Variants in SNAP23 observed in about 807,000 individuals in gnomAD.
SNAP23 encodes the protein synaptosomal-associated protein 23.
SNAP23 carries 11 observed loss-of-function variants against 29.0 expected under a neutral mutation model. That is an observed-to-expected ratio of 0.38 (90% confidence interval 0.24 to 0.63). The LOEUF is 0.63. Among genes scored for constraint, SNAP23 ranks in the 20% least tolerant of loss-of-function variants. The probability of loss-of-function intolerance (pLI) is 0.58; values close to 1 mark genes in which losing one functional copy is unlikely to be tolerated. For missense variants in SNAP23, 220 were observed against 253.9 expected (o/e 0.87, Z 0.91); for synonymous variants, 60 against 82.9 (o/e 0.72, Z 1.50).
chr15:42,517,824 C>T (rs956269125), intron 5 of SNAP23, among the ~76,000 whole-genome samples: 3 of 152,172 alleles, frequency 2.0e-5, no homozygotes, highest in Non-Finnish European at 4.4e-5. Context: ...AATCCACCCA[C>T]ATCAGCCTCC....
intron 1 of SNAP23, among the ~76,000 whole-genome samples, chr15:42,503,213 GT>G (rs2057289576): frequency 6.6e-6 from 1 of 151,952 alleles, no homozygotes; most frequent in Non-Finnish European, 1.5e-5. Flanking sequence ...TTTTCGTGTT[GT>G]TTTTTAAGAT....
At chr15:42,513,336 G>C (rs748748266) in intron 3 of SNAP23, 63 bp from the exon 4 acceptor site, 10 of 1,429,542 alleles carry the variant, frequency 7.0e-6, no homozygotes, top group Non-Finnish European at 9.9e-6. Flanking sequence ...GCTCTTGTAG[G>C]TTTTGTTTCT....
intron 1 of SNAP23, 99 bp from the exon 2 acceptor site, chr15:42,511,734 A>G: frequency 1.8e-6 from 1 of 556,234 alleles, no homozygotes; most frequent in Non-Finnish European, 3.1e-6. Context: ...TTTCCTGATA[A>G]GTTCCTAAAT....
rs138868728 is a variant in SNAP23, at chr15:42,497,547, A to G, written c.-15+1834A>G. On this transcript the variant is annotated intron_variant, in intron 1 of 7. Transcript: ENST00000249647. ...TTTAGTAGAGACGGGGTTTCACTCTATTGGCCAGGCTGGTCTCAAACGCCT... is the reference window on the plus strand; with the variant it reads ...TTTAGTAGAGACGGGGTTTCACTCTGTTGGCCAGGCTGGTCTCAAACGCCT... 1.4e-3 allele frequency among the ~76,000 whole-genome samples: 209 copies of G among 151,720 alleles called. 1 individual carries two copies. Among genetic ancestry groups the G allele is most frequent in the African/African-American group, 4.8e-3 (200 of 41,364 alleles).
Position 42,528,267 on chromosome 15 carries a change from A to G in SNAP23, c.272A>G (p.Lys91Arg). The G allele has an allele frequency of 2.5e-6, 4 of 1,613,970 alleles. No homozygotes were observed. Among genetic ancestry groups the G allele is most frequent in the Non-Finnish European group, 3.4e-6 (4 of 1,179,874 alleles). Residue 91 changes from lysine to arginine, a missense_variant, in exon 6 of 8, where the codon AAG (lysine) becomes AGG (arginine). By Grantham distance (26) the Lys-to-Arg change is conservative. Transcript: ENST00000249647. ...GLCVCPCNRT[K>R]NFESGKAYKT... The stretch of plus-strand genomic sequence containing the variant: ...CACTCCTGACTCTTATATAGAACAA[A>G]GAACTTTGAGTCTGGCAAGGCTTAT...
At chr15:42,500,214 G>A (rs1044412687) in intron 1 of SNAP23, among the ~76,000 whole-genome samples, 1 of 123,282 alleles carries the variant, frequency 8.1e-6, no homozygotes, top group African/African-American at 3.2e-5. Flanking sequence ...CAACACTCTG[G>A]ACATCTGTTT....
At chr15:42,517,645 G>T (rs531875903) in intron 5 of SNAP23, among the ~76,000 whole-genome samples, 1 of 152,158 alleles carries the variant, frequency 6.6e-6, no homozygotes, top group African/African-American at 2.4e-5. Context: ...ACAAGGTAGG[G>T]TATGGTCCTG....
chr15:42,514,655 G>A (rs956655116), intron 4 of SNAP23, among the ~76,000 whole-genome samples: 6 of 151,452 alleles, frequency 4.0e-5, no homozygotes, highest in Admixed American at 4.0e-4. Context: ...TTGGTTGTAA[G>A]GATGATCTCT....
At chr15:42,513,265 T>C (rs1237451312) in intron 3 of SNAP23, 134 bp from the exon 4 acceptor site, 5 of 842,302 alleles carry the variant, frequency 5.9e-6, no homozygotes, top group Non-Finnish European at 1.0e-5. Flanking sequence ...AGTTTAAGAA[T>C]ACTAGTTCTG....
In SNAP23 at chr15:42,529,581, G is replaced by A. The variant is rs2057541521; in HGVS notation, c.426-94G>A. The A allele has an allele frequency of 1.0e-5, 13 of 1,267,382 alleles. No individual in the cohort carries two copies. The South Asian group carries it at 1.5e-4, about 14-fold the overall frequency. 78.5% of individuals were successfully genotyped at this position (1,267,382 alleles called of 1,614,324 possible). A position where few individuals can be genotyped will look rare whatever the true frequency, so the allele number is the denominator to read the frequency against. On this transcript the variant is annotated intron_variant, in intron 6 of 7. Transcript: ENST00000249647. Reference sequence around the variant, plus strand: ...TTCTTTTGGATCTTATACTTGCTGAGAGTCATTTTGGTTACTTACTTTTGT... The same window carrying A: ...TTCTTTTGGATCTTATACTTGCTGAAAGTCATTTTGGTTACTTACTTTTGT...
chr15:42,502,809 A>G (rs139351560), intron 1 of SNAP23, among the ~76,000 whole-genome samples: 2 of 152,296 alleles, frequency 1.3e-5, no homozygotes, highest in East Asian at 1.9e-4. Context: ...ATTGATTACA[A>G]TCAAACCTAC....
chr15:42,517,732 A>G (rs939180132), intron 5 of SNAP23, among the ~76,000 whole-genome samples: 9 of 152,088 alleles, frequency 5.9e-5, no homozygotes, highest in African/African-American at 2.2e-4. Context: ...TTTTTTAGAG[A>G]TGGCCTCTCC....
At chr15:42,491,327 C>A, upstream of SNAP23, 1 of 152,458 alleles carries the variant, frequency 6.6e-6, no homozygotes, top group Non-Finnish European at 1.5e-5. Context: ...CTATGAACAG[C>A]CTCCCTGGTC....
At chr15:42,507,323 A>G (rs944459064) in intron 1 of SNAP23, among the ~76,000 whole-genome samples, 8 of 152,220 alleles carry the variant, frequency 5.3e-5, no homozygotes, top group Non-Finnish European at 1.0e-4. Flanking sequence ...AGAGGTACTC[A>G]GTGAACTTTT....
chr15:42,493,741 A>G (rs961864600), upstream of SNAP23, among the ~76,000 whole-genome samples: 2 of 152,058 alleles, frequency 1.3e-5, no homozygotes. Flanking sequence ...ACTTTCTACA[A>G]TATTCCAAAT....
upstream of SNAP23, among the ~76,000 whole-genome samples, chr15:42,493,939 C>T (rs779894417): frequency 3.9e-5 from 6 of 152,008 alleles, no homozygotes; most frequent in Non-Finnish European, 5.9e-5. Flanking sequence ...TCCCTCCCTG[C>T]CCTCTTCCAA....
chr15:42,521,207 T>C (rs1010430730), intron 5 of SNAP23, among the ~76,000 whole-genome samples: 2 of 152,172 alleles, frequency 1.3e-5, no homozygotes, highest in South Asian at 2.1e-4. Context: ...GTGGGAGAGT[T>C]TGACGTGTAA....
At chr15:42,522,700 T>C (rs1437048019) in intron 5 of SNAP23, among the ~76,000 whole-genome samples, 1 of 143,766 alleles carries the variant, frequency 7.0e-6, no homozygotes, top group African/African-American at 2.6e-5. Context: ...AAAACTAATA[T>C]TGATGCAACC....
At chr15:42,526,320 C>G (rs2057502061) in intron 5 of SNAP23, among the ~76,000 whole-genome samples, 1 of 152,096 alleles carries the variant, frequency 6.6e-6, no homozygotes, top group East Asian at 1.9e-4. Flanking sequence ...AAAAATTTAA[C>G]ATGGCTTCTT....
Sources: allele counts gnomAD v4.1 joint callset (sites outside exome capture counted in the v4.1 genomes callset), GRCh38; gene constraint gnomAD v4.1.1; transcripts MANE v1.5; gene names NCBI Gene and HGNC (gene_info 2026-07-23, HGNC 2026-07-21).